The following MAST3 variants were observed in gnomAD, a reference collection of about 807,000 sequenced individuals.
MAST3 encodes the protein microtubule-associated serine/threonine-protein kinase 3.
A neutral mutation model predicts 127.0 loss-of-function variants in MAST3; 43 were observed. The ratio of observed to expected loss-of-function variants is 0.34; its 90% CI spans 0.27 to 0.44. MAST3 has a LOEUF of 0.44. Among genes scored for constraint, MAST3 ranks in the 20% least tolerant of loss-of-function variants. MAST3 has a pLI of 1.00. For synonymous variants in MAST3, 785 were observed against 809.2 expected (o/e 0.97, Z 0.51); for missense variants, 1,390 against 1,919.1 (o/e 0.72, Z 5.15).
chr19:18,116,574 C>T (rs1312562890), intron 3 of MAST3, among the ~76,000 whole-genome samples: 2 of 144,648 alleles, frequency 1.4e-5, no homozygotes, highest in East Asian at 2.4e-4. Context: ...GGATTACAGG[C>T]GTGAGCCACC....
intron 3 of MAST3, among the ~76,000 whole-genome samples, chr19:18,116,090 CTTT>C (rs3048876): frequency 8.1e-5 from 7 of 86,350 alleles, no homozygotes; most frequent in East Asian, 3.6e-4. Flanking sequence ...TTGAAATTAT[CTTT>C]TTTTTTTTTT....
At chr19:18,100,599 A>G (rs765884055) in intron 1 of MAST3, among the ~76,000 whole-genome samples, 1 of 152,210 alleles carries the variant, frequency 6.6e-6, no homozygotes, top group African/African-American at 2.4e-5. Flanking sequence ...CATGCATTCA[A>G]TTCTCCCAAC....
At chr19:18,123,440 G>T in intron 7 of MAST3, 66 bp downstream of exon 7, 1 of 1,526,360 alleles carries the variant, frequency 6.6e-7, no homozygotes. Flanking sequence ...CCAAGTTGTG[G>T]CTCCTCCTTC....
intron 2 of MAST3, among the ~76,000 whole-genome samples, chr19:18,108,486 G>A (rs546400571): frequency 4.0e-5 from 6 of 151,546 alleles, no homozygotes; most frequent in Non-Finnish European, 7.4e-5. Context: ...AGAGTCTCCC[G>A]CCTCAGCCTC....
At chr19:18,118,148 G>A (rs957389349) in intron 3 of MAST3, 3 of 985,186 alleles carry the variant, frequency 3.0e-6, no homozygotes, top group Admixed American at 6.1e-5. Flanking sequence ...CGGCTGCGGC[G>A]GCACAAAGGG....
Position 18,121,692 on chromosome 19 carries a change from A to G in MAST3, c.169A>G (p.Ser57Gly). 6.2e-7 allele frequency: 1 copy of G among 1,613,738 alleles called. No homozygotes were observed. Among genetic ancestry groups the G allele is most frequent in the South Asian group, 1.1e-5 (1 of 91,078 alleles). The change falls in exon 4 of 28, where the codon AGC (serine) becomes GGC (glycine). Residue 57 changes from serine to glycine, a missense_variant. Physicochemically the swap from Ser to Gly is moderately conservative, Grantham distance 56. Coordinates refer to ENST00000687212, the MANE Select transcript of MAST3 (RefSeq NM_001393504.1). Reference sequence around the variant, plus strand: ...CCCCTTTTCCCCCCACAGCTGCCGCAGCGGGAACCGCAAGAGCTTGGTGGT... The same window carrying G: ...CCCCTTTTCCCCCCACAGCTGCCGCGGCGGGAACCGCAAGAGCTTGGTGGT... Reference protein sequence around the residue: ...SLGLHPWSCRSGNRKSLVVGT... With the variant: ...SLGLHPWSCRGGNRKSLVVGT...
rs1381412270 is a variant in MAST3 at position 18,131,946 on chromosome 19, G to C, written c.1470G>C (p.Pro490=). The part of the protein sequence containing the change: ...DCATLLKNMG[P]LPVDMARLYF... Reference sequence around the variant, plus strand: ...CCACGCTCCTGAAGAACATGGGCCCGCTGCCCGTGGACATGGCCCGCCTGT... The same window carrying C: ...CCACGCTCCTGAAGAACATGGGCCCCCTGCCCGTGGACATGGCCCGCCTGT... Residue 490 remains proline (P), a synonymous_variant, in exon 15 of 28, where the codon CCG becomes CCC. Coordinates refer to ENST00000687212, the MANE Select transcript of MAST3 (RefSeq NM_001393504.1). 4 of 1,610,918 alleles carry C rather than the reference G, an allele frequency of 2.5e-6. No individual in the cohort carries two copies. The African/African-American group carries it at 5.3e-5, about 22-fold the overall frequency.
intron 6 of MAST3, among the ~76,000 whole-genome samples, chr19:18,122,978 G>A (rs903328800): frequency 6.6e-6 from 1 of 152,232 alleles, no homozygotes; most frequent in African/African-American, 2.4e-5. Flanking sequence ...CTCAGCCTAT[G>A]GGGTCAGGGC....
chr19:18,127,090 A>G (rs1247242002), intron 11 of MAST3, among the ~76,000 whole-genome samples: 1 of 151,892 alleles, frequency 6.6e-6, no homozygotes, highest in Non-Finnish European at 1.5e-5. Flanking sequence ...TACAAAAAGT[A>G]TTTTTAAAAA....
intron 15 of MAST3, among the ~76,000 whole-genome samples, chr19:18,132,478 T>G (rs1380345129): frequency 6.6e-6 from 1 of 152,160 alleles, no homozygotes; most frequent in Non-Finnish European, 1.5e-5. Context: ...AGACCTTACA[T>G]GTAAAGACAG....
intron 2 of MAST3, chr19:18,109,993 G>C: frequency 1.0e-6 from 1 of 985,336 alleles, no homozygotes; most frequent in Non-Finnish European, 1.2e-6. Flanking sequence ...CTTCCCTTCC[G>C]GGGCGCAGCT....
At position 18,121,953 on chromosome 19, in the gene MAST3, C is replaced by T. The variant is rs745810096; in HGVS notation, c.320+31C>T. ...TGATTGCCGGCTTTGGGAGACAGTG[C>T]GGGCACCACGGGCAAGGGTTGGGCA... On this transcript the variant is annotated intron_variant, in intron 5 of 27. Transcript: ENST00000687212. The T allele has an allele frequency of 1.3e-5, 21 of 1,611,818 alleles. No individual in the cohort carries two copies. In the African/African-American group the frequency reaches 1.5e-4, roughly 11 times the overall value.
At position 18,124,313 on chromosome 19, in the gene MAST3, G is replaced by A. The variant is rs1349160914; in HGVS notation, c.892G>A (p.Val298Ile). Residue 298 changes from valine (V) to isoleucine (I), a missense_variant, in exon 10 of 28, where the codon GTC becomes ATC. By Grantham distance (29) the Val-to-Ile change is conservative. This residue lies in a region of MAST3 where 277 missense variants were observed against 384.8 expected (regional missense o/e 0.72). Coordinates refer to ENST00000687212, the MANE Select transcript of MAST3 (RefSeq NM_001393504.1). ...GGAGGTCAGCTTCATCGTCCAGCTT[G>A]TCCGGAAACTGCTGATCATCATCTC... ...SEEVSFIVQL[V>I]RKLLIIISRP... 6.2e-7 allele frequency: 1 copy of A among 1,610,192 alleles called. No individual in the cohort carries two copies. Among genetic ancestry groups the A allele is most frequent in the Non-Finnish European group, 8.5e-7 (1 of 1,178,196 alleles).
At chr19:18,099,048 G>A (rs1205575872) in intron 1 of MAST3, 1 of 295,244 alleles carries the variant, frequency 3.4e-6, no homozygotes, top group African/African-American at 2.2e-5. Context: ...ACAGAAGCTG[G>A]AACCTAGGGA....
intron 13 of MAST3, chr19:18,129,161 C>G (rs117951771): frequency 8.7e-6 from 5 of 573,644 alleles, no homozygotes; most frequent in East Asian, 5.9e-5. Flanking sequence ...ACGAGCCAGG[C>G]CTTTACCTGC....
At chr19:18,132,873 C>T (rs866227298) in intron 15 of MAST3, among the ~76,000 whole-genome samples, 8 of 152,134 alleles carry the variant, frequency 5.3e-5, no homozygotes, top group Admixed American at 2.6e-4. Context: ...GAGGCCAAGG[C>T]GGGCGGATCA....
In MAST3 at chr19:18,149,735, C is replaced by T. The variant is rs183442436; in HGVS notation, c.*9C>T. 203 of 1,610,736 alleles carry T rather than the reference C, an allele frequency of 1.3e-4. No homozygotes were observed. The highest frequency in any genetic ancestry group is 1.6e-4 in the Non-Finnish European group (192 of 1,179,220). ...CCACCGGAAGAGACTGATCCCCTGC[C>T]AGGTCTCTCCCTGGCATCAAAGTTA... On this transcript the variant is annotated 3_prime_UTR_variant, in exon 28 of 28. Transcript: ENST00000687212. This position sits in a 1 kb window ranked among gnomAD's most constrained non-coding sequence, Gnocchi z 5.9.
In MAST3 at chr19:18,132,466, C is replaced by T. The variant is rs1264280107; in HGVS notation, c.1571+419C>T. ...ACACAGAACAGGATTATGCAATTTG[C>T]GAGACCTTACATGTAAAGACAGTGA... On this transcript the variant is annotated intron_variant, in intron 15 of 27. Transcript: ENST00000687212. 4.6e-5 allele frequency among the ~76,000 whole-genome samples: 7 copies of T among 152,166 alleles called. No individual in the cohort carries two copies. In the East Asian group the frequency reaches 1.3e-3, roughly 29 times the overall value.
intron 11 of MAST3, among the ~76,000 whole-genome samples, chr19:18,126,319 G>C (rs1329100235): frequency 6.6e-6 from 1 of 152,212 alleles, no homozygotes. Context: ...GCAGTAGCCA[G>C]GGGGAGGCTC....
Sources: gnomAD v4.1 joint callset for allele counts (sites outside exome capture counted in the v4.1 genomes callset) on GRCh38, gnomAD v4.1.1 for gene constraint, gnomAD v4.1.1 regional missense constraint, Gnocchi (gnomAD v3.1) non-coding constraint, MANE v1.5 for transcripts, NCBI Gene and HGNC (gene_info 2026-07-23, HGNC 2026-07-21) for gene names.